FAM24B: variants seen among roughly 807,000 people sequenced by gnomAD.
FAM24B encodes the protein family with sequence similarity 24 member B.
Under a neutral mutation model 2.3 loss-of-function variants are expected in FAM24B, and 3 were observed. The ratio of observed to expected loss-of-function variants is 1.29; its 90% CI spans 0.59 to 3.32. The LOEUF is 3.32. FAM24B is among the 30% of genes most tolerant of loss of function. The pLI, the probability that FAM24B is intolerant of heterozygous loss-of-function variation, is 0.03. For missense variants in FAM24B, 98 were observed against 117.2 expected (o/e 0.84, Z 0.76); for synonymous variants, 36 against 46.3 (o/e 0.78, Z 0.90).
intron 1 of FAM24B, among the ~76,000 whole-genome samples, chr10:122,871,320 A>T (rs1020012645): frequency 6.6e-6 from 1 of 152,234 alleles, no homozygotes; most frequent in African/African-American, 2.4e-5. Context: ...TTCCATGCTC[A>T]TGGGTAGGAA....
Position 122,871,783 on chromosome 10 carries a change from A to C in FAM24B, c.-178+7702T>G, listed in dbSNP as rs567488325. 2.6e-5 allele frequency among the ~76,000 whole-genome samples: 4 copies of C among 152,236 alleles called. No individual in the cohort carries two copies. The East Asian group carries it at 7.7e-4, about 29-fold the overall frequency. On this transcript the variant is annotated intron_variant, in intron 1 of 3. Transcript: ENST00000368898. The stretch of plus-strand genomic sequence containing the variant: ...CTTCCTTACACCTTATACAAAAATT[A>C]ATTCAAGATGGATTAAAGACTTACA...
At chr10:122,856,619 T>A (rs1847643635) in intron 1 of FAM24B, among the ~76,000 whole-genome samples, 1 of 152,182 alleles carries the variant, frequency 6.6e-6, no homozygotes, top group Non-Finnish European at 1.5e-5. Context: ...ACTTCCAGTG[T>A]GCTGAGGCCT....
intron 1 of FAM24B, among the ~76,000 whole-genome samples, chr10:122,860,604 G>A (rs1054624087): frequency 1.3e-5 from 2 of 152,214 alleles, no homozygotes; most frequent in African/African-American, 4.8e-5. Context: ...CTGTTTTACA[G>A]AGTGCTTGTA....
chr10:122,849,446 A>G lies in FAM24B; in HGVS notation c.93-7T>C. The G allele has an allele frequency of 6.2e-7, 1 of 1,603,692 alleles. No homozygotes were observed. On this transcript the variant is annotated splice_region_variant and splice_polypyrimidine_tract_variant and intron_variant, in intron 3 of 3. Coordinates refer to ENST00000368898, the MANE Select transcript of FAM24B (RefSeq NM_152644.3). ...TTCAGGTTCCTTTGCAGCTCTTGAG[A>G]AAAGACACACACAAAGCACAGGCTT...
At chr10:122,858,948 A>G (rs2133830199) in intron 1 of FAM24B, among the ~76,000 whole-genome samples, 1 of 152,304 alleles carries the variant, frequency 6.6e-6, no homozygotes. Flanking sequence ...TTTCCTTAGG[A>G]AAGATGCTTT....
chr10:122,877,513 T>A (rs1416800879), intron 1 of FAM24B, among the ~76,000 whole-genome samples: 1 of 152,152 alleles, frequency 6.6e-6, no homozygotes. Flanking sequence ...AAAAGGCCAG[T>A]CTACAATAGT....
At chr10:122,851,672 T>C (rs1328733377) in intron 2 of FAM24B, among the ~76,000 whole-genome samples, 1 of 152,232 alleles carries the variant, frequency 6.6e-6, no homozygotes, top group African/African-American at 2.4e-5. Context: ...AGAGATGCTA[T>C]GTTATATTAT....
intron 1 of FAM24B, among the ~76,000 whole-genome samples, chr10:122,870,111 C>T (rs1299857315): frequency 6.6e-6 from 1 of 152,184 alleles, no homozygotes. Context: ...GATATCACCA[C>T]TGATCCCACA....
intron 1 of FAM24B, among the ~76,000 whole-genome samples, chr10:122,860,228 A>G (rs1397609042): frequency 2.0e-5 from 3 of 152,124 alleles, no homozygotes; most frequent in Admixed American, 1.3e-4. Context: ...CTTGGCAACC[A>G]TGGATCAATT....
Position 122,850,486 on chromosome 10 carries a change from C to A in FAM24B, c.30G>T (p.Ala10=), listed in dbSNP as rs558510109. The change falls in exon 3 of 4, where the codon GCG becomes GCT. Residue 10 remains alanine, a synonymous_variant. Coordinates refer to ENST00000368898, the MANE Select transcript of FAM24B (RefSeq NM_152644.3). MPVIAGGIL[A]ALLLLIVVVL... Reference sequence around the variant, plus strand: ...CGACAACTATCAGCAGGAGCAAGGCCGCCAGGATACCACCAGCGATGACAG... The same window carrying A: ...CGACAACTATCAGCAGGAGCAAGGCAGCCAGGATACCACCAGCGATGACAG... 34 of 1,613,808 alleles carry A rather than the reference C, an allele frequency of 2.1e-5. No homozygotes were observed. Among genetic ancestry groups the A allele is most frequent in the African/African-American group, 9.4e-5 (7 of 74,846 alleles).
chr10:122,868,891 C>A (rs991942097), intron 1 of FAM24B, among the ~76,000 whole-genome samples: 2 of 152,130 alleles, frequency 1.3e-5, no homozygotes, highest in African/African-American at 4.8e-5. Context: ...AGCAAAATAA[C>A]CAGCTAACAT....
At chr10:122,855,841 A>C (rs1847629103) in intron 1 of FAM24B, 55 bp from the exon 2 acceptor site, 1 of 152,258 alleles carries the variant, frequency 6.6e-6, no homozygotes, top group African/African-American at 2.4e-5. Context: ...GAAAGGGGAG[A>C]TCATTCAGCT....
At chr10:122,870,833 T>G (rs1332680289) in intron 1 of FAM24B, among the ~76,000 whole-genome samples, 5 of 152,200 alleles carry the variant, frequency 3.3e-5, no homozygotes, top group Non-Finnish European at 5.9e-5. Flanking sequence ...AATATCATAC[T>G]GAATGGACAA....
intron 1 of FAM24B, among the ~76,000 whole-genome samples, chr10:122,859,206 C>A (rs1009521244): frequency 3.3e-5 from 5 of 152,178 alleles, no homozygotes; most frequent in African/African-American, 1.2e-4. Context: ...AATCCCTGTT[C>A]CACACTCCAA....
Position 122,873,767 on chromosome 10 carries a change from T to C in FAM24B, c.-178+5718A>G, listed in dbSNP as rs538909303. 7.9e-5 allele frequency among the ~76,000 whole-genome samples: 12 copies of C among 152,356 alleles called. No homozygotes were observed. The South Asian group carries it at 2.3e-3, about 29-fold the overall frequency. On this transcript the variant is annotated intron_variant, in intron 1 of 3. Transcript: ENST00000368898. ...TCCAACATGTACTCAGTACTCTCCG[T>C]TTCCCTGTAAGCACTGCTCTTGTTG...
chr10:122,871,004 T>C (rs1032777797), intron 1 of FAM24B, among the ~76,000 whole-genome samples: 1 of 152,198 alleles, frequency 6.6e-6, no homozygotes, highest in African/African-American at 2.4e-5. Flanking sequence ...TTGTCCCTGT[T>C]TGCAGAGGAC....
At chr10:122,875,119 G>C (rs1412709764) in intron 1 of FAM24B, among the ~76,000 whole-genome samples, 1 of 152,066 alleles carries the variant, frequency 6.6e-6, no homozygotes, top group African/African-American at 2.4e-5. Context: ...GCAGTTCTTG[G>C]ATAGTCTACT....
At chr10:122,875,910 G>A (rs191366979) in intron 1 of FAM24B, among the ~76,000 whole-genome samples, 14 of 152,296 alleles carry the variant, frequency 9.2e-5, no homozygotes, top group Non-Finnish European at 2.1e-4. Context: ...AATGCTTCAA[G>A]TGAGCATGCA....
intron 1 of FAM24B, among the ~76,000 whole-genome samples, chr10:122,878,594 T>C (rs576495984): frequency 2.8e-4 from 43 of 151,438 alleles, no homozygotes; most frequent in Admixed American, 6.6e-4. Context: ...ATCAGGACAA[T>C]TGATAAAAGA....
Sources: gnomAD v4.1 joint callset for allele counts (sites outside exome capture counted in the v4.1 genomes callset) on GRCh38, gnomAD v4.1.1 for gene constraint, MANE v1.5 for transcripts, NCBI Gene and HGNC (gene_info 2026-07-23, HGNC 2026-07-21) for gene names.